The following FHIP2A variants were observed in gnomAD, a reference collection of about 807,000 sequenced individuals.
FHIP2A encodes FHF complex subunit HOOK interacting protein 2A.
FHIP2A carries 46 observed loss-of-function variants against 93.5 expected under a neutral mutation model. The ratio of observed to expected loss-of-function variants is 0.49; its 90% confidence interval spans 0.39 to 0.63. The LOEUF (loss-of-function observed/expected upper bound fraction) is 0.63. Ranked by LOEUF, FHIP2A falls within the 20% of genes least tolerant of loss-of-function variation. The probability of loss-of-function intolerance (pLI) is 0.00; values close to 1 mark genes in which losing one functional copy is unlikely to be tolerated. For missense variants in FHIP2A, 769 were observed against 909.7 expected, an observed-to-expected ratio of 0.85 and a Z score of 1.99; for synonymous variants, 332 against 326.5, an observed-to-expected ratio of 1.02 and a Z score of -0.18.
At chr10:114,893,702 C>T (rs189437315) in intron 16 of FHIP2A, among the ~76,000 whole-genome samples, 1 of 151,760 alleles carries the variant, frequency 6.6e-6, no homozygotes, top group East Asian at 1.9e-4. Context: ...TGTGTGTGTC[C>T]GTCCCTGTAT....
intron 5 of FHIP2A, among the ~76,000 whole-genome samples, chr10:114,841,728 A>C (rs2083670080): frequency 6.6e-6 from 1 of 152,234 alleles, no homozygotes; most frequent in African/African-American, 2.4e-5. Flanking sequence ...AACAGCAATA[A>C]AAGTGATTTA....
chr10:114,822,344 CCCCAGGCCGGCAGTCCCTG>C lies in FHIP2A; in HGVS notation c.45+225_45+243del, dbSNP rs1203180855. On this transcript the variant is annotated intron_variant, in intron 1 of 16. Coordinates refer to ENST00000369248, the MANE Select transcript of FHIP2A (RefSeq NM_020940.4). Reference sequence around the variant, plus strand: ...CGGGGGTCCCGTCGGTCCCTGGCTGCCCCAGGCCGGCAGTCCCTGCCCTCCTCCAGGAGCCGGGGCGGGG... The same window carrying C: ...CGGGGGTCCCGTCGGTCCCTGGCTGCCCCTCCTCCAGGAGCCGGGGCGGGG... 3.4e-3 allele frequency among the ~76,000 whole-genome samples: 516 copies of C among 151,838 alleles called. 2 individuals are homozygous for C. The highest frequency in any genetic ancestry group is 0.012 in the African/African-American group (492 of 41,500).
At chr10:114,822,456 G>A (rs1057197722) in intron 1 of FHIP2A, among the ~76,000 whole-genome samples, 9 of 152,192 alleles carry the variant, frequency 5.9e-5, no homozygotes, top group Admixed American at 1.3e-4. Context: ...GGGGCCGGGG[G>A]TTCGGGGAGC....
intron 7 of FHIP2A, 83 bp from the exon 8 acceptor site, chr10:114,845,284 G>T (rs1317472264): frequency 7.9e-6 from 6 of 754,852 alleles, no homozygotes; most frequent in Non-Finnish European, 1.2e-5. Flanking sequence ...GTGTGTTCAT[G>T]TGCCTTCATT....
chr10:114,833,607 C>T (rs2083620959), intron 3 of FHIP2A: 2 of 469,886 alleles, frequency 4.3e-6, no homozygotes, highest in Non-Finnish European at 7.4e-6. Context: ...TAGACAACAA[C>T]TTGTACTTGG....
chr10:114,860,860 T>C lies in FHIP2A; in HGVS notation c.2059T>C (p.Cys687Arg), dbSNP rs1275743016. 20 of 1,613,768 alleles carry C rather than the reference T, an allele frequency of 1.2e-5. No individual in the cohort carries two copies. The highest frequency in any genetic ancestry group is 1.6e-5 in the Non-Finnish European group (19 of 1,179,682). The change falls in exon 15 of 17, where the codon TGT becomes CGT. Residue 687 changes from cysteine to arginine, a missense_variant. Coordinates refer to ENST00000369248, the MANE Select transcript of FHIP2A (RefSeq NM_020940.4). ...TCCTTACGTGAACCTCGCTCCTGGC[T>C]GTAGATCTCTCTTCTCTGTAATTGT... The part of the protein sequence containing the change: ...LDPYVNLAPG[C>R]RSLFSVIVRV...
intron 1 of FHIP2A, among the ~76,000 whole-genome samples, chr10:114,825,649 T>C (rs998329256): frequency 1.3e-5 from 2 of 152,222 alleles, no homozygotes; most frequent in Non-Finnish European, 2.9e-5. Flanking sequence ...ATGAAATGAA[T>C]CTGTTAGCCA....
chr10:114,825,308 G>A (rs187711453), intron 1 of FHIP2A, among the ~76,000 whole-genome samples: 255 of 152,314 alleles, frequency 1.7e-3, no homozygotes, highest in African/African-American at 6.0e-3. Flanking sequence ...TTATAGGGAT[G>A]GAGCCATCAT....
In FHIP2A at chr10:114,846,238, T is replaced by C. The variant is rs2143011472; in HGVS notation, c.1269T>C (p.Ser423=). The change falls in exon 10 of 17, where the codon TCT becomes TCC. Residue 423 remains serine (S), a synonymous_variant. Coordinates refer to ENST00000369248, the MANE Select transcript of FHIP2A (RefSeq NM_020940.4). ...LLHRIVRQVT[S]DVLLQEMVFF... The stretch of plus-strand genomic sequence containing the variant: ...ATCGCATCGTTCGGCAAGTGACCTC[T>C]GATGTTTTGCTTCAAGAAATGGTGT... 1 of 1,614,218 alleles carries C rather than the reference T, an allele frequency of 6.2e-7. No individual in the cohort carries two copies. Among genetic ancestry groups the C allele is most frequent in the Middle Eastern group, 1.6e-4 (1 of 6,062 alleles).
intron 1 of FHIP2A, among the ~76,000 whole-genome samples, chr10:114,826,714 T>G (rs1328511988): frequency 6.6e-6 from 1 of 152,094 alleles, no homozygotes; most frequent in East Asian, 1.9e-4. Context: ...GGGAGTGGCA[T>G]CAGGCACAGT....
chr10:114,822,253 C>A (rs2083532029), intron 1 of FHIP2A, 130 bp downstream of exon 1: 1 of 408,250 alleles, frequency 2.4e-6, no homozygotes, highest in Non-Finnish European at 3.5e-6. Context: ...TGGGGTGAGG[C>A]CCCAGGCGGG....
chr10:114,823,894 C>T (rs992265138), intron 1 of FHIP2A, among the ~76,000 whole-genome samples: 6 of 152,062 alleles, frequency 3.9e-5, no homozygotes, highest in Non-Finnish European at 5.9e-5. Flanking sequence ...CTGTCTTATC[C>T]GTAGGCTCTG....
At chr10:114,894,989 G>T (rs949180192) in intron 16 of FHIP2A, among the ~76,000 whole-genome samples, 2 of 152,182 alleles carry the variant, frequency 1.3e-5, no homozygotes, top group Non-Finnish European at 2.9e-5. Flanking sequence ...ATACACTGTA[G>T]CCTGCTGTTC....
intron 12 of FHIP2A, among the ~76,000 whole-genome samples, chr10:114,848,150 T>C (rs2083713157): frequency 6.6e-6 from 1 of 152,152 alleles, no homozygotes; most frequent in Non-Finnish European, 1.5e-5. Context: ...TTTCTCTCTT[T>C]TGCTTCCCTT....
intron 14 of FHIP2A, among the ~76,000 whole-genome samples, chr10:114,860,541 G>A (rs1376807297): frequency 2.0e-5 from 3 of 151,958 alleles, no homozygotes; most frequent in East Asian, 1.9e-4. Flanking sequence ...GAGTAGAGAC[G>A]GGGTTTCTCC....
At chr10:114,859,127 G>GA (rs1346592112) in intron 14 of FHIP2A, among the ~76,000 whole-genome samples, 2 of 151,244 alleles carry the variant, frequency 1.3e-5, no homozygotes, top group African/African-American at 2.4e-5. Flanking sequence ...GCTAGGTTTT[G>GA]AAAAAAAATA....
intron 7 of FHIP2A, among the ~76,000 whole-genome samples, chr10:114,844,381 A>G (rs972722648): frequency 6.6e-6 from 1 of 152,208 alleles, no homozygotes; most frequent in Non-Finnish European, 1.5e-5. Context: ...TCATAGGGAA[A>G]TATGATTATT....
rs372580295 is a variant in FHIP2A at position 114,825,152 on chromosome 10, A to G, written c.45+3029A>G. Among the ~76,000 whole-genome samples the G allele has an allele frequency of 8.5e-5, 13 of 152,196 alleles. No individual in the cohort carries two copies. In the South Asian group the frequency reaches 2.3e-3, roughly 27 times the overall value. ...CCTGCCTCAGCCTCCTGAGTAGCTG[A>G]GACTATAGGCCAGCACCACCACACT... On this transcript the variant is annotated intron_variant, in intron 1 of 16. Coordinates refer to ENST00000369248, the MANE Select transcript of FHIP2A (RefSeq NM_020940.4).
chr10:114,876,142 C>A (rs374546054), intron 16 of FHIP2A, among the ~76,000 whole-genome samples: 2 of 152,182 alleles, frequency 1.3e-5, no homozygotes, highest in East Asian at 1.9e-4. Context: ...CTGACTCCCC[C>A]CTGTCTGGTG....
Sources: allele counts gnomAD v4.1 joint callset (sites outside exome capture counted in the v4.1 genomes callset), GRCh38; gene constraint gnomAD v4.1.1; transcripts MANE v1.5; gene names NCBI Gene and HGNC (gene_info 2026-07-23, HGNC 2026-07-21).